Variants in CRYBG2 observed in about 807,000 individuals in gnomAD.
The protein encoded by CRYBG2 is crystallin beta-gamma domain containing 2.
A neutral mutation model predicts 153.4 loss-of-function variants in CRYBG2; 106 were observed. That is an observed-to-expected ratio of 0.69 (90% CI 0.59 to 0.81). The LOEUF (loss-of-function observed/expected upper bound fraction) is 0.81, where lower values mean the gene tolerates loss of function less well. Among genes scored for constraint, CRYBG2 ranks in the 30% least tolerant of loss-of-function variants. The pLI, the probability that CRYBG2 is intolerant of heterozygous loss-of-function variation, is 0.00. For missense variants in CRYBG2, 1,996 were observed against 2,112.0 expected (o/e 0.95, Z 1.08); for synonymous variants, 851 against 877.8 (o/e 0.97, Z 0.54).
At position 26,344,929 on chromosome 1, in the gene CRYBG2, T is replaced by C; in HGVS notation, c.1729A>G (p.Thr577Ala). The change falls in exon 2 of 20, where the codon ACC becomes GCC. Residue 577 changes from threonine to alanine, a missense_variant. Physicochemically the swap from Thr to Ala is moderately conservative, Grantham distance 58. Transcript: ENST00000308182. ...QGSGAPAALS[T>A]TPKEVVKGPG... ...CCCTTCACAACCTCTTTTGGGGTGG[T>C]GGACAAGGCAGCAGGAGCACCAGAC... 7.2e-7 allele frequency: 1 copy of C among 1,380,286 alleles called. No homozygotes were observed. Among genetic ancestry groups the C allele is most frequent in the Non-Finnish European group, 9.3e-7 (1 of 1,071,880 alleles). 85.5% of individuals were successfully genotyped at this position (1,380,286 alleles called of 1,614,324 possible).
At chr1:26,329,333 T>C (rs1303479501) in intron 15 of CRYBG2, among the ~76,000 whole-genome samples, 1 of 151,792 alleles carries the variant, frequency 6.6e-6, no homozygotes, top group Non-Finnish European at 1.5e-5. Context: ...CGCACCACCA[T>C]CCCCGGCTAA....
chr1:26,351,230 C>T (rs11582416), intron 1 of CRYBG2, among the ~76,000 whole-genome samples: 36,419 of 151,978 alleles, frequency 0.24, 4,728 homozygotes, highest in Non-Finnish European at 0.29. Flanking sequence ...CTCCCTTTTT[C>T]CTCATGCAAC....
chr1:26,323,310 A>G (rs1476951846), intron 18 of CRYBG2, among the ~76,000 whole-genome samples: 2 of 151,950 alleles, frequency 1.3e-5, no homozygotes, highest in East Asian at 3.9e-4. Flanking sequence ...TGAATTCCTG[A>G]GCTCAAGAGA....
At chr1:26,341,653 ATTT>A (rs2074131875) in intron 5 of CRYBG2, among the ~76,000 whole-genome samples, 1 of 151,946 alleles carries the variant, frequency 6.6e-6, no homozygotes, top group East Asian at 2.0e-4. Flanking sequence ...AACCTGGCTA[ATTT>A]TTGTATTTTT....
At chr1:26,327,016 GCA>G in intron 17 of CRYBG2, 1 of 503,422 alleles carries the variant, frequency 2.0e-6, no homozygotes, top group South Asian at 1.4e-5. Context: ...GAAGGCACAA[GCA>G]CAGACTCAGA....
Position 26,328,013 on chromosome 1 carries a change from G to T in CRYBG2, c.4578+196C>A, listed in dbSNP as rs574987118. 5.9e-5 allele frequency among the ~76,000 whole-genome samples: 9 copies of T among 151,306 alleles called. No homozygotes were observed. In the East Asian group the frequency reaches 1.6e-3, roughly 26 times the overall value. On this transcript the variant is annotated intron_variant, in intron 17 of 19. Coordinates refer to ENST00000308182, the MANE Select transcript of CRYBG2 (RefSeq NM_001039775.4). Reference sequence around the variant, plus strand: ...TTTAAGAAATAAAAATTAATTAAAAGACTTTTAAAAAGAGAGTTAATCTAG... The same window carrying T: ...TTTAAGAAATAAAAATTAATTAAAATACTTTTAAAAAGAGAGTTAATCTAG...
Position 26,345,220 on chromosome 1 carries a change from C to T in CRYBG2, c.1438G>A (p.Val480Met). Reference protein sequence around the residue: ...PAASSPTRKEVVQGSSASAAS... With the variant: ...PAASSPTRKEMVQGSSASAAS... ...GCAGAAGCACTGGACCCCTGCACCA[C>T]CTCCTTCCGGGTGGGAGATGAGGCA... Residue 480 changes from valine (V) to methionine (M), a missense_variant, in exon 2 of 20, where the codon GTG becomes ATG. Coordinates refer to ENST00000308182, the MANE Select transcript of CRYBG2 (RefSeq NM_001039775.4). The T allele has an allele frequency of 2.0e-6, 3 of 1,477,544 alleles. No homozygotes were observed. The highest frequency in any genetic ancestry group is 1.8e-6 in the Non-Finnish European group (2 of 1,089,696). 91.5% of individuals were successfully genotyped at this position (1,477,544 alleles called of 1,614,324 possible). A position where few individuals can be genotyped will look rare whatever the true frequency, so the allele number is the denominator to read the frequency against.
chr1:26,351,288 C>T (rs753620884), intron 1 of CRYBG2, among the ~76,000 whole-genome samples: 36 of 152,188 alleles, frequency 2.4e-4, no homozygotes, highest in Non-Finnish European at 3.8e-4. Flanking sequence ...TTGACGCCCT[C>T]GCTGAGCACC....
intron 5 of CRYBG2, among the ~76,000 whole-genome samples, chr1:26,341,622 G>T (rs1337725440): frequency 6.6e-6 from 1 of 151,974 alleles, no homozygotes; most frequent in Non-Finnish European, 1.5e-5. Flanking sequence ...GAGTAGCTGG[G>T]ATTATAGGCG....
rs532055893 is a variant in CRYBG2, at chr1:26,342,308, C to G, written c.3204+446G>C. Among the ~76,000 whole-genome samples the G allele has an allele frequency of 5.9e-5, 9 of 152,300 alleles. No homozygotes were observed. The East Asian group carries it at 1.7e-3, about 29-fold the overall frequency. The stretch of plus-strand genomic sequence containing the variant: ...CTCCTCAAGCCAGGCTGCCCATTCC[C>G]CAGAATCTCTTTCTTCCCCAGTCAG... On this transcript the variant is annotated intron_variant, in intron 5 of 19. Coordinates refer to ENST00000308182, the MANE Select transcript of CRYBG2 (RefSeq NM_001039775.4).
intron 14 of CRYBG2, 98 bp downstream of exon 14, chr1:26,335,997 C>T: frequency 9.7e-7 from 1 of 1,035,162 alleles, no homozygotes; most frequent in Non-Finnish European, 1.4e-6. Context: ...CAGTTCATCG[C>T]AAGGTAGCCA....
chr1:26,334,954 C>T (rs2074037281), intron 14 of CRYBG2, among the ~76,000 whole-genome samples: 1 of 151,824 alleles, frequency 6.6e-6, no homozygotes, highest in South Asian at 2.1e-4. Flanking sequence ...AACAAACAAA[C>T]AAACAAAAAA....
Position 26,345,891 on chromosome 1 carries a change from G to T in CRYBG2, c.767C>A (p.Pro256His), listed in dbSNP as rs754852876. The change falls in exon 2 of 20, where the codon CCC becomes CAC. Residue 256 changes from proline to histidine, a missense_variant. Physicochemically the swap from Pro to His is moderately conservative, Grantham distance 77 (BLOSUM62 -2). Transcript: ENST00000308182. Reference sequence around the variant, plus strand: ...TGTGCTCCTTGGCCCGCCAGCCGTGGGCCTGGGCAGGTGACTGGCAGGGGG... The same window carrying T: ...TGTGCTCCTTGGCCCGCCAGCCGTGTGCCTGGGCAGGTGACTGGCAGGGGG... The part of the protein sequence containing the change: ...HSPPASHLPR[P>H]TAGGPRSTGL... The T allele has an allele frequency of 1.3e-6, 2 of 1,597,744 alleles. No individual in the cohort carries two copies. Among genetic ancestry groups the T allele is most frequent in the Admixed American group, 3.3e-5 (2 of 59,914 alleles).
chr1:26,346,256 A>C lies in CRYBG2; in HGVS notation c.402T>G (p.Cys134Trp), dbSNP rs746041326. The change falls in exon 2 of 20, where the codon TGT (cysteine) becomes TGG (tryptophan). Residue 134 changes from cysteine to tryptophan, a missense_variant. Physicochemically the swap from Cys to Trp is radical, Grantham distance 215. Coordinates refer to ENST00000308182, the MANE Select transcript of CRYBG2 (RefSeq NM_001039775.4). This position sits in a 1 kb window ranked among gnomAD's most constrained non-coding sequence, Gnocchi z 4.9. ...GCTCAGTCCTGGCCATAGCTCCCAC[A>C]CATGGGGGCTCAGTCCTGGGAGCTT... Reference protein sequence around the residue: ...SRQAPRTEPPCVGAMARTELL... With the variant: ...SRQAPRTEPPWVGAMARTELL... The C allele has an allele frequency of 2.5e-6, 4 of 1,584,566 alleles. No individual in the cohort carries two copies. The South Asian group carries it at 4.5e-5, about 18-fold the overall frequency.
chr1:26,339,231 CCCCAGCA>C, intron 6 of CRYBG2, 52 bp downstream of exon 6: 1 of 1,568,320 alleles, frequency 6.4e-7, no homozygotes, highest in South Asian at 1.2e-5. Context: ...ACCTCTGTGT[CCCCAGCA>C]CCCAGCACAG....
In CRYBG2 at chr1:26,345,704, G is replaced by T. The variant is rs889110281; in HGVS notation, c.954C>A (p.Gly318=). 3 of 1,597,778 alleles carry T rather than the reference G, an allele frequency of 1.9e-6. No individual in the cohort carries two copies. The highest frequency in any genetic ancestry group is 2.7e-5 in the African/African-American group (2 of 74,910). Residue 318 remains glycine (G), a synonymous_variant, in exon 2 of 20, where the codon GGC becomes GGA. Coordinates refer to ENST00000308182, the MANE Select transcript of CRYBG2 (RefSeq NM_001039775.4). ...CACAGGCCCTGGCATCCGGGGCTCT[G>T]CCCTGGTCTCTGTCCGGACAGGCTG... is the stretch of plus-strand genomic sequence containing the variant. ...APAACPDRDQ[G]RAPDARACEL... is the part of the protein sequence containing the mutation.
chr1:26,348,542 C>A (rs1254425638), intron 1 of CRYBG2, among the ~76,000 whole-genome samples: 1 of 151,986 alleles, frequency 6.6e-6, no homozygotes, highest in Non-Finnish European at 1.5e-5. Flanking sequence ...ACAGAGAGAT[C>A]TTATCGCTAA....
In CRYBG2 at chr1:26,346,347, G is replaced by A. The variant is rs34231822; in HGVS notation, c.311C>T (p.Pro104Leu). ...CCCCTCAGGCCTTTTCTCCTTGGGA[G>A]GTGGTATGTACTTCTTGGAAAAGAT... ...GPIFSKKYIP[P>L]PKEKRPEGRL... is the part of the protein sequence containing the mutation. Residue 104 changes from proline (P) to leucine (L), a missense_variant, in exon 2 of 20, where the codon CCT becomes CTT. Physicochemically the swap from Pro to Leu is moderately conservative, Grantham distance 98. Coordinates refer to ENST00000308182, the MANE Select transcript of CRYBG2 (RefSeq NM_001039775.4). The surrounding 1 kb of genome is among the most constrained non-coding windows in gnomAD (Gnocchi z 4.9). 2,990 of 1,599,460 alleles carry A rather than the reference G, an allele frequency of 1.9e-3. 54 individuals are homozygous for A. The African/African-American group carries it at 0.035, about 19-fold the overall frequency.
chr1:26,346,354 T>C lies in CRYBG2; in HGVS notation c.304A>G (p.Ile102Val). 6.3e-7 allele frequency: 1 copy of C among 1,599,416 alleles called. No homozygotes were observed. Among genetic ancestry groups the C allele is most frequent in the Non-Finnish European group, 8.5e-7 (1 of 1,179,764 alleles). ...GGCCTTTTCTCCTTGGGAGGTGGTATGTACTTCTTGGAAAAGATGGGTCCA... is the reference window on the plus strand; with the variant it reads ...GGCCTTTTCTCCTTGGGAGGTGGTACGTACTTCTTGGAAAAGATGGGTCCA... The part of the protein sequence containing the change: ...SHGPIFSKKY[I>V]PPPKEKRPEG... Residue 102 changes from isoleucine to valine, a missense_variant, in exon 2 of 20, where the codon ATA becomes GTA. Coordinates refer to ENST00000308182, the MANE Select transcript of CRYBG2 (RefSeq NM_001039775.4). The surrounding 1 kb of genome is among the most constrained non-coding windows in gnomAD (Gnocchi z 4.9).
Sources: gnomAD v4.1 joint callset for allele counts (sites outside exome capture counted in the v4.1 genomes callset) on GRCh38, gnomAD v4.1.1 for gene constraint, Gnocchi (gnomAD v3.1) non-coding constraint, MANE v1.5 for transcripts, NCBI Gene and HGNC (gene_info 2026-07-23, HGNC 2026-07-21) for gene names.